MCC: variants seen among roughly 807,000 people sequenced by gnomAD.
MCC encodes the protein MCC regulator of Wnt signaling pathway.
Under a neutral mutation model 116.2 loss-of-function variants are expected in MCC, and 90 were observed. The observed-to-expected ratio is 0.77, with a 90% CI of 0.65 to 0.92. The LOEUF is 0.92. Ranked by LOEUF, MCC falls within the 40% of genes least tolerant of loss-of-function variation. The pLI is 0.00. For synonymous variants in MCC, 578 were observed against 510.5 expected, an observed-to-expected ratio of 1.13 and a Z score of -1.78; for missense variants, 1,516 against 1,312.2, an observed-to-expected ratio of 1.16 and a Z score of -2.40.
At chr5:113,144,523 T>C (rs2150286779) in intron 4 of MCC, among the ~76,000 whole-genome samples, 1 of 152,358 alleles carries the variant, frequency 6.6e-6, no homozygotes, top group East Asian at 1.9e-4. Flanking sequence ...CTACCTCCCC[T>C]GTCCCTCCCT....
chr5:113,105,830 T>G (rs1009408720), intron 6 of MCC, among the ~76,000 whole-genome samples: 1 of 152,190 alleles, frequency 6.6e-6, no homozygotes, highest in African/African-American at 2.4e-5. Context: ...TCAAACTGTC[T>G]AATGGCTTCC....
chr5:113,215,742 TAATA>T (rs966125849), intron 3 of MCC, among the ~76,000 whole-genome samples: 24 of 152,198 alleles, frequency 1.6e-4, no homozygotes, highest in African/African-American at 5.5e-4. Context: ...CTTCCAGAAA[TAATA>T]AATAACTTTC....
chr5:113,027,728 C>G (rs1400210353), intron 18 of MCC, among the ~76,000 whole-genome samples: 1 of 152,220 alleles, frequency 6.6e-6, no homozygotes, highest in Non-Finnish European at 1.5e-5. Flanking sequence ...GCTGGTCACT[C>G]TCACATATTA....
chr5:113,248,087 G>A (rs958235660), intron 3 of MCC, among the ~76,000 whole-genome samples: 36 of 152,064 alleles, frequency 2.4e-4, no homozygotes, highest in African/African-American at 8.0e-4. Context: ...GCCTCAAAAG[G>A]AAGCTAAGAA....
intron 3 of MCC, among the ~76,000 whole-genome samples, chr5:113,301,379 C>T (rs531866737): frequency 1.3e-5 from 2 of 151,926 alleles, no homozygotes; most frequent in East Asian, 1.9e-4. Flanking sequence ...GGAGGAGAAT[C>T]GCTTGAACAC....
At chr5:113,123,218 C>A (rs1042708959) in intron 5 of MCC, among the ~76,000 whole-genome samples, 5 of 152,222 alleles carry the variant, frequency 3.3e-5, no homozygotes, top group Admixed American at 3.3e-4. Context: ...CAACAGCATG[C>A]CCTACAATCT....
chr5:113,100,341 A>T (rs1350725873), intron 8 of MCC, among the ~76,000 whole-genome samples: 1 of 152,182 alleles, frequency 6.6e-6, no homozygotes, highest in African/African-American at 2.4e-5. Context: ...TAAAAACAAA[A>T]TGATGTACAC....
Position 113,122,739 on chromosome 5 carries a change from G to A in MCC, c.972C>T (p.Asp324=), listed in dbSNP as rs145322789. Residue 324 remains aspartate, a synonymous_variant, in exon 6 of 19, where the codon GAC becomes GAT. Transcript: ENST00000408903. The part of the protein sequence containing the change: ...VNEDSRSMDQ[D]QTSVSIPENQ... ...TTTCGGGGATAGAGACAGAGGTCTGGTCTTGGTCCATGCTTCGAGAGTCCT... is the reference window on the plus strand; with the variant it reads ...TTTCGGGGATAGAGACAGAGGTCTGATCTTGGTCCATGCTTCGAGAGTCCT... The A allele has an allele frequency of 1.2e-6, 2 of 1,614,204 alleles. No homozygotes were observed. Among genetic ancestry groups the A allele is most frequent in the African/African-American group, 1.3e-5 (1 of 75,058 alleles).
intron 3 of MCC, among the ~76,000 whole-genome samples, chr5:113,262,609 TATAGAA>T (rs1176093081): frequency 6.6e-6 from 1 of 152,174 alleles, no homozygotes; most frequent in African/African-American, 2.4e-5. Flanking sequence ...GTCCTCTTTC[TATAGAA>T]ATAAAGAGGC....
intron 1 of MCC, among the ~76,000 whole-genome samples, chr5:113,391,021 T>C (rs1769387578): frequency 2.0e-5 from 3 of 152,216 alleles, no homozygotes; most frequent in South Asian, 2.1e-4. Flanking sequence ...TTCCGGGCTA[T>C]AGTTGGTAAT....
In MCC at chr5:113,178,920, AT is replaced by A. The variant is rs556526702; in HGVS notation, c.628-27499del. On this transcript the variant is annotated intron_variant, in intron 3 of 18. Transcript: ENST00000408903. Reference sequence around the variant, plus strand: ...TCTCTCATTTATCTTATCAAAAAAAATCTTATAATATTTACACATACTCTAA... The same window carrying A: ...TCTCTCATTTATCTTATCAAAAAAAACTTATAATATTTACACATACTCTAA... 0.022 allele frequency among the ~76,000 whole-genome samples: 33 copies of A among 1,482 alleles called. 1 individual carries two copies. The East Asian group carries it at 0.5, about 22-fold the overall frequency. 1.0% of individuals were successfully genotyped at this position (1,482 alleles called of 152,430 possible).
intron 5 of MCC, among the ~76,000 whole-genome samples, chr5:113,134,104 C>T (rs1046850045): frequency 1.1e-4 from 16 of 152,138 alleles, no homozygotes; most frequent in Admixed American, 9.8e-4. Context: ...TATAGTTTTG[C>T]TATCATTGCC....
intron 11 of MCC, among the ~76,000 whole-genome samples, chr5:113,075,875 C>T (rs1754417009): frequency 6.6e-6 from 1 of 152,172 alleles, no homozygotes; most frequent in Admixed American, 6.5e-5. Flanking sequence ...CAGCTTCACT[C>T]CTGAAGCCAG....
At chr5:113,032,379 A>C (rs1751015378) in intron 17 of MCC, among the ~76,000 whole-genome samples, 1 of 150,248 alleles carries the variant, frequency 6.7e-6, no homozygotes, top group African/African-American at 2.5e-5. Flanking sequence ...CTGCGCTCCA[A>C]CCTGGGAAAC....
At position 113,385,062 on chromosome 5, in the gene MCC, C is replaced by T. The variant is rs1561546442; in HGVS notation, c.321G>A (p.Glu107=). 1 of 1,614,214 alleles carries T rather than the reference C, an allele frequency of 6.2e-7. No homozygotes were observed. The highest frequency in any genetic ancestry group is 8.5e-7 in the Non-Finnish European group (1 of 1,180,048). Residue 107 remains glutamate (E), a synonymous_variant, in exon 2 of 19, where the codon GAG becomes GAA. Transcript: ENST00000408903. ...RMQLVREIRK[E]EVDLSAKSDN... The stretch of plus-strand genomic sequence containing the variant: ...CTGACTTTGCAGAAAGATCTACTTC[C>T]TCCTTCCTAATTTCTCGAACAAGCT...
chr5:113,067,794 G>A (rs1426114128), intron 13 of MCC, among the ~76,000 whole-genome samples: 1 of 152,270 alleles, frequency 6.6e-6, no homozygotes, highest in Non-Finnish European at 1.5e-5. Context: ...CCCTTTCATC[G>A]CTGATGCGGC....
chr5:113,151,328 T>A lies in MCC; in HGVS notation c.722A>T (p.Lys241Met). The change falls in exon 4 of 19, where the codon AAG becomes ATG. Residue 241 changes from lysine (K) to methionine (M), a missense_variant. By Grantham distance (95) the Lys-to-Met change is moderately conservative. Coordinates refer to ENST00000408903, the MANE Select transcript of MCC (RefSeq NM_001085377.2). ...CCTTACCTGTGCCTTGGCCAATTTC[T>A]TTTCCAGAAGGTCCCGTTCCCTCTC... ...QTERERDLLE[K>M]KLAKAQCEQS... 6.2e-7 allele frequency: 1 copy of A among 1,613,244 alleles called. No homozygotes were observed. Among genetic ancestry groups the A allele is most frequent in the Non-Finnish European group, 8.5e-7 (1 of 1,179,458 alleles).
At chr5:113,321,036 A>G (rs1016992509) in intron 3 of MCC, among the ~76,000 whole-genome samples, 1 of 152,270 alleles carries the variant, frequency 6.6e-6, no homozygotes, top group Non-Finnish European at 1.5e-5. Flanking sequence ...GCATGAAACA[A>G]TATTCCACTA....
intron 3 of MCC, among the ~76,000 whole-genome samples, chr5:113,167,345 C>T (rs1760823220): frequency 1.3e-5 from 2 of 152,210 alleles, no homozygotes; most frequent in South Asian, 4.1e-4. Flanking sequence ...TTGCGCACTT[C>T]ATTCCCTGAT....
Sources: allele counts gnomAD v4.1 joint callset (sites outside exome capture counted in the v4.1 genomes callset), GRCh38; gene constraint gnomAD v4.1.1; transcripts MANE v1.5; gene names NCBI Gene and HGNC (gene_info 2026-07-23, HGNC 2026-07-21).